Variants in MECOM observed in about 807,000 individuals in gnomAD.
The protein encoded by MECOM is histone-lysine N-methyltransferase MECOM.
A neutral mutation model predicts 116.3 loss-of-function variants in MECOM; 13 were observed. That is an observed-to-expected ratio of 0.11 (90% CI 0.07 to 0.18). The LOEUF is 0.18. Ranked by LOEUF, MECOM falls within the 10% of genes least tolerant of loss-of-function variation. MECOM has a pLI of 1.00. For missense variants in MECOM, 1,299 were observed against 1,509.0 expected, an observed-to-expected ratio of 0.86 and a Z score of 2.31; for synonymous variants, 528 against 535.2, an observed-to-expected ratio of 0.99 and a Z score of 0.19.
chr3:169,177,919 C>CAA (rs11297845), intron 2 of MECOM, among the ~76,000 whole-genome samples: 6 of 130,752 alleles, frequency 4.6e-5, no homozygotes, highest in East Asian at 2.1e-4. Flanking sequence ...GACTTGGTCT[C>CAA]AAAAAAAAAA....
intron 1 of MECOM, among the ~76,000 whole-genome samples, chr3:169,510,956 A>ATCCC (rs1755894569): frequency 6.6e-6 from 1 of 152,166 alleles, no homozygotes; most frequent in South Asian, 2.1e-4. Flanking sequence ...TCAAGAAACT[A>ATCCC]ATTCAAAGCG....
At chr3:169,502,904 T>G (rs1754706097) in intron 1 of MECOM, among the ~76,000 whole-genome samples, 1 of 152,202 alleles carries the variant, frequency 6.6e-6, no homozygotes, top group Non-Finnish European at 1.5e-5. Flanking sequence ...CAATGCCTAC[T>G]GTTGACTAAC....
At chr3:169,194,576 T>C (rs1159220060) in intron 2 of MECOM, among the ~76,000 whole-genome samples, 1 of 152,072 alleles carries the variant, frequency 6.6e-6, no homozygotes, top group Non-Finnish European at 1.5e-5. Context: ...GACTATATTT[T>C]TTCCTCCTGA....
chr3:169,159,914 TA>T, intron 2 of MECOM, among the ~76,000 whole-genome samples: 1 of 152,262 alleles, frequency 6.6e-6, no homozygotes, highest in East Asian at 1.9e-4. Context: ...TGAAATGAGG[TA>T]ATCCATGCAC....
chr3:169,643,721 T>C (rs1019579843), intron 1 of MECOM, among the ~76,000 whole-genome samples: 5 of 152,228 alleles, frequency 3.3e-5, no homozygotes, highest in Non-Finnish European at 7.3e-5. Context: ...GGCCTTCATC[T>C]CCACTGGGTT....
intron 3 of MECOM, among the ~76,000 whole-genome samples, chr3:169,133,743 A>C (rs1403028338): frequency 6.6e-6 from 1 of 152,150 alleles, no homozygotes; most frequent in Non-Finnish European, 1.5e-5. Context: ...AAGTACACTG[A>C]GAACAGTTCT....
chr3:169,202,858 C>A (rs1244454908), intron 2 of MECOM, among the ~76,000 whole-genome samples: 4 of 148,906 alleles, frequency 2.7e-5, no homozygotes, highest in Non-Finnish European at 5.9e-5. Context: ...ACAATTAAGT[C>A]CAACTTTCTG....
At chr3:169,305,114 T>C (rs1717426535) in intron 2 of MECOM, among the ~76,000 whole-genome samples, 1 of 152,210 alleles carries the variant, frequency 6.6e-6, no homozygotes, top group Non-Finnish European at 1.5e-5. Context: ...TTAATAGAAT[T>C]AGTGAAGGCT....
intron 2 of MECOM, chr3:169,146,564 G>GAT (rs1342632909): frequency 7.3e-7 from 1 of 1,376,078 alleles, no homozygotes; most frequent in Non-Finnish European, 9.7e-7. Flanking sequence ...TAGCAACGTA[G>GAT]ATAAGCAGCA....
intron 1 of MECOM, among the ~76,000 whole-genome samples, chr3:169,513,614 G>A (rs1428439083): frequency 2.0e-5 from 3 of 152,176 alleles, no homozygotes; most frequent in African/African-American, 7.2e-5. Flanking sequence ...AGGTAGAGGA[G>A]GAGGGAGAAA....
chr3:169,429,714 T>C (rs1741293495), intron 1 of MECOM, among the ~76,000 whole-genome samples: 1 of 152,182 alleles, frequency 6.6e-6, no homozygotes, highest in Non-Finnish European at 1.5e-5. Flanking sequence ...CCACACTTAA[T>C]AGTTGCATAC....
intron 1 of MECOM, among the ~76,000 whole-genome samples, chr3:169,633,879 G>A (rs566205136): frequency 6.9e-6 from 1 of 145,252 alleles, no homozygotes; most frequent in Non-Finnish European, 1.5e-5. Context: ...AAGAAAGAGA[G>A]AGGTAAACAG....
chr3:169,093,181 T>A, intron 13 of MECOM, 79 bp from the exon 14 acceptor site: 2 of 1,429,180 alleles, frequency 1.4e-6, no homozygotes, highest in Non-Finnish European at 1.9e-6. Flanking sequence ...TCCTTATGAA[T>A]TTGATCAGTG....
At chr3:169,368,912 A>G (rs9830455) in intron 2 of MECOM, among the ~76,000 whole-genome samples, 1 of 151,996 alleles carries the variant, frequency 6.6e-6, no homozygotes, top group Admixed American at 6.6e-5. Flanking sequence ...GTTTTGGGAT[A>G]AACAATTTAT....
intron 1 of MECOM, among the ~76,000 whole-genome samples, chr3:169,597,289 T>G (rs1257621361): frequency 1.3e-5 from 2 of 152,190 alleles, no homozygotes; most frequent in African/African-American, 4.8e-5. Context: ...CGAAGAGGTG[T>G]GGAAACTGAG....
intron 7 of MECOM, among the ~76,000 whole-genome samples, chr3:169,120,383 A>G (rs1348800796): frequency 1.3e-5 from 2 of 152,216 alleles, no homozygotes; most frequent in African/African-American, 4.8e-5. Flanking sequence ...GGGATGTTCT[A>G]AGTAGGTGGT....
chr3:169,567,814 T>C (rs1462301636), intron 1 of MECOM, among the ~76,000 whole-genome samples: 3 of 152,176 alleles, frequency 2.0e-5, no homozygotes, highest in African/African-American at 7.2e-5. Flanking sequence ...TATGAAAATA[T>C]CTGTACTCAG....
intron 1 of MECOM, among the ~76,000 whole-genome samples, chr3:169,485,085 C>T (rs554828785): frequency 1.3e-5 from 2 of 152,200 alleles, no homozygotes; most frequent in South Asian, 4.2e-4. Context: ...ACCTCCACCC[C>T]CTGGGTTCAA....
Position 169,115,447 on chromosome 3 carries a change from G to A in MECOM, c.2425C>T (p.Pro809Ser), listed in dbSNP as rs756212386. ...GKKGSNVESRPASDGSLQHAR... is the reference protein window; with the variant it reads ...GKKGSNVESRSASDGSLQHAR... ...TGCTGCAAGGAACCATCTGAAGCAG[G>A]TCTTGATTCGACGTTGCTTCCTTTT... is the stretch of plus-strand genomic sequence containing the variant. The change falls in exon 8 of 17, where the codon CCT becomes TCT. Residue 809 changes from proline to serine, a missense_variant. Transcript: ENST00000651503. 1.7e-5 allele frequency: 27 copies of A among 1,614,044 alleles called. No individual in the cohort carries two copies. In the South Asian group the frequency reaches 2.3e-4, roughly 14 times the overall value.
Sources: gnomAD v4.1 joint callset for allele counts (sites outside exome capture counted in the v4.1 genomes callset) on GRCh38, gnomAD v4.1.1 for gene constraint, MANE v1.5 for transcripts, NCBI Gene and HGNC (gene_info 2026-07-23, HGNC 2026-07-21) for gene names.